GPATCH1: variants seen among roughly 807,000 people sequenced by gnomAD.
GPATCH1 encodes G-patch domain containing 1.
Under a neutral mutation model 114.9 loss-of-function variants are expected in GPATCH1, and 73 were observed. That is an observed-to-expected ratio of 0.64 (90% confidence interval 0.53 to 0.77). The LOEUF is 0.77. GPATCH1 is among the 30% of genes least tolerant of loss of function. The pLI is 0.00. For missense variants in GPATCH1, 1,058 were observed against 1,144.3 expected (o/e 0.92, Z 1.09); for synonymous variants, 391 against 428.4 (o/e 0.91, Z 1.08).
At chr19:33,114,811 T>C (rs987058207) in intron 15 of GPATCH1, among the ~76,000 whole-genome samples, 2 of 143,800 alleles carry the variant, frequency 1.4e-5, no homozygotes, top group Non-Finnish European at 3.0e-5. Flanking sequence ...TTTTTTTTTT[T>C]TTTTTTTTTG....
In GPATCH1 at chr19:33,115,318, CT is replaced by C. The variant is rs530444171; in HGVS notation, c.2196+900del. On this transcript the variant is annotated intron_variant, in intron 15 of 19. Coordinates refer to ENST00000170564, the MANE Select transcript of GPATCH1 (RefSeq NM_018025.3). ...CTCAAACTTCTGCTCTCAAGCAGTC[CT>C]CCTGCCCTGGCCTCCCAAAGTGCTG... is the stretch of plus-strand genomic sequence containing the variant. Among the ~76,000 whole-genome samples, 71 of 148,690 alleles carry C rather than the reference CT, an allele frequency of 4.8e-4. 4 individuals carry two copies. The South Asian group carries it at 0.015, about 30-fold the overall frequency.
At chr19:33,104,719 G>A (rs888691833) in intron 9 of GPATCH1, among the ~76,000 whole-genome samples, 5 of 152,274 alleles carry the variant, frequency 3.3e-5, no homozygotes, top group African/African-American at 1.2e-4. Flanking sequence ...CCAGCGGAGA[G>A]AGGGGCCGGG....
intron 19 of GPATCH1, among the ~76,000 whole-genome samples, chr19:33,129,376 C>T (rs1453680875): frequency 6.7e-6 from 1 of 150,110 alleles, no homozygotes; most frequent in African/African-American, 2.5e-5. Context: ...AGTTCAAGAC[C>T]AGCTCGGGTA....
intron 17 of GPATCH1, among the ~76,000 whole-genome samples, chr19:33,119,987 ATATT>A (rs1259170352): frequency 1.4e-5 from 2 of 142,990 alleles, no homozygotes; most frequent in Non-Finnish European, 3.0e-5. Context: ...TATATTTTAT[ATATT>A]TATATATTAT....
At chr19:33,096,000 A>G (rs962509972) in intron 6 of GPATCH1, among the ~76,000 whole-genome samples, 180 bp downstream of exon 6, 2 of 152,238 alleles carry the variant, frequency 1.3e-5, no homozygotes, top group African/African-American at 4.8e-5. Context: ...CCAGCACCAC[A>G]GATACCCAGG....
Position 33,125,122 on chromosome 19 carries a change from G to C in GPATCH1, c.2539G>C (p.Glu847Gln). The part of the protein sequence containing the change: ...VFCPNARQTL[E>Q]VPQKEKHKKN... ...TGTTTCAGATGCTCGTCAGACACTTGAGGTTCCTCAAAAAGAGAAACATAA... is the reference window on the plus strand; with the variant it reads ...TGTTTCAGATGCTCGTCAGACACTTCAGGTTCCTCAAAAAGAGAAACATAA... The change falls in exon 18 of 20, where the codon GAG becomes CAG. Residue 847 changes from glutamate (E) to glutamine (Q), a missense_variant. By Grantham distance (29) the Glu-to-Gln change is conservative (BLOSUM62 2). This residue lies in a region of GPATCH1 where 893 missense variants were observed against 977.4 expected (regional missense o/e 0.91). Coordinates refer to ENST00000170564, the MANE Select transcript of GPATCH1 (RefSeq NM_018025.3). The C allele has an allele frequency of 6.2e-7, 1 of 1,600,004 alleles. No homozygotes were observed. Among genetic ancestry groups the C allele is most frequent in the East Asian group, 2.3e-5 (1 of 43,964 alleles).
chr19:33,115,063 CT>C (rs750639715), intron 15 of GPATCH1, among the ~76,000 whole-genome samples: 1,509 of 132,916 alleles, frequency 0.011, 33 homozygotes, highest in African/African-American at 0.038. Flanking sequence ...GTGAATTGAT[CT>C]TTTTTTTTTT....
intron 3 of GPATCH1, among the ~76,000 whole-genome samples, chr19:33,092,069 C>T (rs1340948924): frequency 1.3e-5 from 2 of 150,392 alleles, no homozygotes; most frequent in Non-Finnish European, 3.0e-5. Flanking sequence ...TTTCCTGAGA[C>T]GGAGTTTTGC....
At chr19:33,129,949 G>GAAA (rs59303077) in intron 19 of GPATCH1, among the ~76,000 whole-genome samples, 181 bp from the exon 20 acceptor site, 19 of 139,844 alleles carry the variant, frequency 1.4e-4, no homozygotes, top group East Asian at 6.3e-4. Context: ...CATCTCGGGG[G>GAAA]AAAAAAAAAA....
At chr19:33,115,942 TTTTG>T (rs1311056691) in intron 15 of GPATCH1, among the ~76,000 whole-genome samples, 1 of 152,220 alleles carries the variant, frequency 6.6e-6, no homozygotes, top group African/African-American at 2.4e-5. Flanking sequence ...TACCACTCTT[TTTTG>T]TTTCTTTTTT....
chr19:33,128,611 C>T (rs1973068928), intron 19 of GPATCH1, among the ~76,000 whole-genome samples: 2 of 152,192 alleles, frequency 1.3e-5, no homozygotes, highest in Non-Finnish European at 2.9e-5. Context: ...CCAAACTGGT[C>T]TCGAACTCCT....
intron 7 of GPATCH1, among the ~76,000 whole-genome samples, chr19:33,096,820 G>C (rs1972665613): frequency 6.6e-6 from 1 of 151,954 alleles, no homozygotes; most frequent in Non-Finnish European, 1.5e-5. Context: ...GTAGAGACGG[G>C]GTTTCACCAT....
Position 33,094,254 on chromosome 19 carries a change from C to A in GPATCH1, c.538C>A (p.Arg180Ser). ...TGGTCCTCGAGTAAAGAGACGGCCA[C>A]GCCGACAGAAACCTGGTGTGTATGT... ...GVGPRVKRRP[R>S]RQKPDPGVKI... Residue 180 changes from arginine to serine, a missense_variant, in exon 5 of 20, where the codon CGC becomes AGC. By Grantham distance (110) the Arg-to-Ser change is moderately radical. Transcript: ENST00000170564. The A allele has an allele frequency of 6.3e-7, 1 of 1,585,068 alleles. No individual in the cohort carries two copies. Among genetic ancestry groups the A allele is most frequent in the Non-Finnish European group, 8.7e-7 (1 of 1,153,892 alleles).
chr19:33,105,029 C>T (rs901242676), intron 9 of GPATCH1, among the ~76,000 whole-genome samples: 3 of 152,200 alleles, frequency 2.0e-5, no homozygotes, highest in South Asian at 2.1e-4. Context: ...TTTCATTTCA[C>T]TTCCGTCAAC....
intron 2 of GPATCH1, among the ~76,000 whole-genome samples, chr19:33,090,454 C>T (rs1457837322): frequency 6.6e-6 from 1 of 152,174 alleles, no homozygotes; most frequent in Non-Finnish European, 1.5e-5. Context: ...GTCTCACGTC[C>T]TGCATTTTAA....
chr19:33,104,648 C>T (rs768200546), intron 9 of GPATCH1, among the ~76,000 whole-genome samples: 1 of 152,004 alleles, frequency 6.6e-6, no homozygotes, highest in African/African-American at 2.4e-5. Context: ...TGGGGTGGGG[C>T]GCAGGCATCA....
At chr19:33,084,044 A>G (rs1441121001) in intron 1 of GPATCH1, among the ~76,000 whole-genome samples, 3 of 152,138 alleles carry the variant, frequency 2.0e-5, no homozygotes, top group Non-Finnish European at 4.4e-5. Flanking sequence ...TTCTGACCTC[A>G]GGTGATCTGC....
At chr19:33,094,628 A>G (rs1972634965) in intron 5 of GPATCH1, among the ~76,000 whole-genome samples, 1 of 152,190 alleles carries the variant, frequency 6.6e-6, no homozygotes, top group Admixed American at 6.6e-5. Context: ...GACAGCTTCC[A>G]GAAAGGCTGT....
intron 15 of GPATCH1, 85 bp from the exon 16 acceptor site, chr19:33,117,740 G>A (rs1972931776): frequency 1.3e-5 from 12 of 897,458 alleles, no homozygotes; most frequent in Non-Finnish European, 2.2e-5. Flanking sequence ...ACATAAATAT[G>A]TGTGTCTGGG....
Sources: allele counts gnomAD v4.1 joint callset (sites outside exome capture counted in the v4.1 genomes callset), GRCh38; gene constraint gnomAD v4.1.1; regional missense constraint gnomAD v4.1.1; transcripts MANE v1.5; gene names NCBI Gene and HGNC (gene_info 2026-07-23, HGNC 2026-07-21).